SH3GL3: variants seen among roughly 807,000 people sequenced by gnomAD.
The protein encoded by SH3GL3 is endophilin-A3.
SH3GL3 carries 33 observed loss-of-function variants against 47.7 expected under a neutral mutation model. The ratio of observed to expected loss-of-function variants is 0.69; its 90% CI spans 0.52 to 0.92. The LOEUF is 0.92. Among genes scored for constraint, SH3GL3 ranks in the 40% least tolerant of loss-of-function variants. The probability of loss-of-function intolerance (pLI) is 0.00; values close to 1 mark genes in which losing one functional copy is unlikely to be tolerated. For synonymous variants in SH3GL3, 155 were observed against 148.8 expected, an observed-to-expected ratio of 1.04 and a Z score of -0.30; for missense variants, 363 against 417.8, an observed-to-expected ratio of 0.87 and a Z score of 1.14.
chr15:83,543,648 A>G (rs916821615), intron 1 of SH3GL3, among the ~76,000 whole-genome samples: 1 of 151,958 alleles, frequency 6.6e-6, no homozygotes, highest in Non-Finnish European at 1.5e-5. Context: ...TTTTGCCAGA[A>G]GACTTTGTAT....
chr15:83,591,786 G>C (rs556034083), intron 8 of SH3GL3, among the ~76,000 whole-genome samples: 9 of 152,226 alleles, frequency 5.9e-5, no homozygotes, highest in African/African-American at 1.4e-4. Context: ...CCTGGGTTCA[G>C]GCCATTCTCC....
At chr15:83,520,852 G>A (rs1211820380) in intron 1 of SH3GL3, among the ~76,000 whole-genome samples, 2 of 151,994 alleles carry the variant, frequency 1.3e-5, no homozygotes, top group Non-Finnish European at 2.9e-5. Flanking sequence ...TGACAGATAT[G>A]TTAATTGGCT....
chr15:83,626,455 G>T, the SH3GL3 span, among the ~76,000 whole-genome samples: 1 of 152,134 alleles, frequency 6.6e-6, no homozygotes, highest in East Asian at 1.9e-4. Context: ...TTTATGACTG[G>T]GTAGGTAAGT....
At chr15:83,609,251 C>T (rs538870109) in intron 8 of SH3GL3, 11 of 455,990 alleles carry the variant, frequency 2.4e-5, no homozygotes, top group East Asian at 7.0e-5. Flanking sequence ...GTTACATAAT[C>T]GGTTATCTGA....
chr15:83,479,811 C>T (rs555186158), intron 1 of SH3GL3, among the ~76,000 whole-genome samples: 46 of 152,262 alleles, frequency 3.0e-4, no homozygotes, highest in African/African-American at 1.1e-3. Context: ...GTCTCTGCCA[C>T]CTACCAGCTC....
chr15:83,564,377 A>T (rs1053783744), intron 2 of SH3GL3, among the ~76,000 whole-genome samples: 1 of 152,216 alleles, frequency 6.6e-6, no homozygotes, highest in African/African-American at 2.4e-5. Flanking sequence ...TGAATTTCTC[A>T]TAATAGTTAT....
At chr15:83,580,572 G>A (rs558334911) in intron 6 of SH3GL3, among the ~76,000 whole-genome samples, 6 of 152,350 alleles carry the variant, frequency 3.9e-5, no homozygotes, top group South Asian at 2.1e-4. Flanking sequence ...CAAAAAAGCC[G>A]GATTGGAATC....
At chr15:83,579,156 G>A (rs534264249) in intron 6 of SH3GL3, among the ~76,000 whole-genome samples, 2 of 152,292 alleles carry the variant, frequency 1.3e-5, no homozygotes, top group South Asian at 2.1e-4. Context: ...ACAGTAACAC[G>A]TATTCTGCCT....
At chr15:83,450,804 A>ATTTTTTTTTTTTTTTTTTTAT (rs34099509) in intron 1 of SH3GL3, among the ~76,000 whole-genome samples, 1 of 58,784 alleles carries the variant, frequency 1.7e-5, no homozygotes, top group African/African-American at 8.0e-5. Flanking sequence ...TTTTTTTTTA[A>ATTTTTTTTTTTTTTTTTTTAT]TTTTTTTTTT....
At chr15:83,461,652 T>C (rs1013528125) in intron 1 of SH3GL3, among the ~76,000 whole-genome samples, 1 of 152,154 alleles carries the variant, frequency 6.6e-6, no homozygotes, top group African/African-American at 2.4e-5. Flanking sequence ...AAAAATTTAT[T>C]TTTTAAATAA....
At chr15:83,571,386 T>C (rs1277377869) in intron 4 of SH3GL3, among the ~76,000 whole-genome samples, 2 of 151,970 alleles carry the variant, frequency 1.3e-5, no homozygotes, top group Non-Finnish European at 2.9e-5. Context: ...CAGGAAAGAG[T>C]CCACAGGCTA....
At position 83,450,805 on chromosome 15, in the gene SH3GL3, T is replaced by A. The variant is rs371384172; in HGVS notation, c.45+3227T>A. Among the ~76,000 whole-genome samples the A allele has an allele frequency of 1.9e-3, 47 of 25,202 alleles. 2 individuals carry two copies. Among genetic ancestry groups the A allele is most frequent in the African/African-American group, 4.1e-3 (36 of 8,850 alleles). 16.5% of individuals were successfully genotyped at this position (25,202 alleles called of 152,430 possible). On this transcript the variant is annotated intron_variant, in intron 1 of 8. Transcript: ENST00000427482. Reference sequence around the variant, plus strand: ...TATAGATTTTCTTTTTTTTTTTTAATTTTTTTTTTTCTATTATACTCTAAG... The same window carrying A: ...TATAGATTTTCTTTTTTTTTTTTAAATTTTTTTTTTCTATTATACTCTAAG...
At chr15:83,491,556 A>G (rs1365843178) in intron 1 of SH3GL3, among the ~76,000 whole-genome samples, 1 of 152,238 alleles carries the variant, frequency 6.6e-6, no homozygotes, top group Non-Finnish European at 1.5e-5. Flanking sequence ...CACACATCTG[A>G]CATTCAAAGT....
At chr15:83,449,857 T>A (rs1362531152) in intron 1 of SH3GL3, among the ~76,000 whole-genome samples, 1 of 152,204 alleles carries the variant, frequency 6.6e-6, no homozygotes. Context: ...GTTCTAGAAG[T>A]CTTTCTAAAA....
chr15:83,495,477 G>A (rs533319383), intron 1 of SH3GL3, among the ~76,000 whole-genome samples: 20 of 152,330 alleles, frequency 1.3e-4, no homozygotes, highest in Non-Finnish European at 2.6e-4. Context: ...GCTCATGCCT[G>A]TAATCTCAGC....
At chr15:83,490,173 C>T (rs1596090160) in intron 1 of SH3GL3, among the ~76,000 whole-genome samples, 2 of 151,952 alleles carry the variant, frequency 1.3e-5, no homozygotes, top group East Asian at 3.9e-4. Flanking sequence ...GGGGTCTCCG[C>T]TCTTGGCGTC....
intron 1 of SH3GL3, among the ~76,000 whole-genome samples, chr15:83,497,292 C>G (rs1178104941): frequency 6.6e-5 from 10 of 152,156 alleles, no homozygotes; most frequent in Non-Finnish European, 2.9e-5. Context: ...TTTACTGACA[C>G]TTACCTTGAG....
intron 1 of SH3GL3, among the ~76,000 whole-genome samples, chr15:83,529,531 G>T (rs1464750759): frequency 2.6e-5 from 4 of 152,108 alleles, no homozygotes; most frequent in Non-Finnish European, 5.9e-5. Context: ...TGATCCGCAG[G>T]CCCCTGGGTG....
chr15:83,501,583 T>C (rs2042296364), intron 1 of SH3GL3, among the ~76,000 whole-genome samples: 1 of 152,176 alleles, frequency 6.6e-6, no homozygotes, highest in Admixed American at 6.5e-5. Context: ...AGAAAACCCT[T>C]CTTGCCTTTA....
Sources: allele counts gnomAD v4.1 joint callset (sites outside exome capture counted in the v4.1 genomes callset), GRCh38; gene constraint gnomAD v4.1.1; transcripts MANE v1.5; gene names NCBI Gene and HGNC (gene_info 2026-07-23, HGNC 2026-07-21).